The following AVPR1B variants were observed in gnomAD, a reference collection of about 807,000 sequenced individuals.
AVPR1B encodes the protein vasopressin V1b receptor.
A neutral mutation model predicts 27.5 loss-of-function variants in AVPR1B; 25 were observed. The observed-to-expected ratio is 0.91, with a 90% CI of 0.66 to 1.27. AVPR1B has a LOEUF of 1.27. Ranked by LOEUF, AVPR1B falls within the 50% of genes most tolerant of loss-of-function variation. The pLI is 0.00. For missense variants in AVPR1B, 595 were observed against 556.9 expected, an observed-to-expected ratio of 1.07 and a Z score of -0.69; for synonymous variants, 248 against 240.2, an observed-to-expected ratio of 1.03 and a Z score of -0.30.
intron 1 of AVPR1B, among the ~76,000 whole-genome samples, chr1:206,111,968 T>C (rs1663389320): frequency 6.6e-6 from 1 of 152,178 alleles, no homozygotes; most frequent in Non-Finnish European, 1.5e-5. Flanking sequence ...TCGAGGCAGA[T>C]GGATCACCTG....
chr1:206,110,074 G>T lies in AVPR1B; in HGVS notation c.*115C>A, dbSNP rs1663344832. 1 of 1,264,666 alleles carries T rather than the reference G, an allele frequency of 7.9e-7. No individual in the cohort carries two copies. 78.3% of individuals were successfully genotyped at this position (1,264,666 alleles called of 1,614,324 possible). On this transcript the variant is annotated 3_prime_UTR_variant, in exon 2 of 2. Transcript: ENST00000367126. ...ATTCTGGCCTTTTCGCTCCGCTTTA[G>T]ACAGGGCTCCTCTAACTCCAACCCT...
chr1:206,110,498 G>A lies in AVPR1B; in HGVS notation c.966C>T (p.Ile322=). The A allele has an allele frequency of 6.2e-7, 1 of 1,611,648 alleles. No homozygotes were observed. Among genetic ancestry groups the A allele is most frequent in the Non-Finnish European group, 8.5e-7 (1 of 1,178,302 alleles). The change falls in exon 2 of 2, where the codon ATC becomes ATT. Residue 322 remains isoleucine, a synonymous_variant. Transcript: ENST00000367126. ...TGTTGAGGTTGCCCAAAAGCATAGAGATGGTGAAAGCCACATTGGTGGAAT... is the reference window on the plus strand; with the variant it reads ...TGTTGAGGTTGCCCAAAAGCATAGAAATGGTGAAAGCCACATTGGTGGAAT... The part of the protein sequence containing the change: ...DEDSTNVAFT[I]SMLLGNLNSC...
chr1:206,110,360 G>T lies in AVPR1B; in HGVS notation c.1104C>A (p.Ser368=). ...TGTGGCGGCTCGAGAGGCTGCCGTCGGAGAGCCGCCGGCGCATCCTGGGCT... is the reference window on the plus strand; with the variant it reads ...TGTGGCGGCTCGAGAGGCTGCCGTCTGAGAGCCGCCGGCGCATCCTGGGCT... ...GPQPRMRRRL[S]DGSLSSRHTT... is the part of the protein sequence containing the mutation. The change falls in exon 2 of 2, where the codon TCC becomes TCA. Residue 368 remains serine, a synonymous_variant. Transcript: ENST00000367126. The T allele has an allele frequency of 6.2e-7, 1 of 1,609,626 alleles. No individual in the cohort carries two copies. The highest frequency in any genetic ancestry group is 8.5e-7 in the Non-Finnish European group (1 of 1,178,516).
rs971869956 is a variant in AVPR1B, at chr1:206,116,971, A to C, written c.-81T>G. ...GGTTTGATGGATAAAATGGAGTGGCAGGGGAGGTGGAGAGAAAGGAGAAGC... is the reference window on the plus strand; with the variant it reads ...GGTTTGATGGATAAAATGGAGTGGCCGGGGAGGTGGAGAGAAAGGAGAAGC... On this transcript the variant is annotated 5_prime_UTR_variant, in exon 1 of 2. Transcript: ENST00000367126. 4 of 1,306,776 alleles carry C rather than the reference A, an allele frequency of 3.1e-6. No individual in the cohort carries two copies. Among genetic ancestry groups the C allele is most frequent in the Non-Finnish European group, 3.2e-6 (3 of 938,048 alleles). 80.9% of individuals were successfully genotyped at this position (1,306,776 alleles called of 1,614,324 possible).
At chr1:206,115,509 G>A (rs1310103023) in intron 1 of AVPR1B, among the ~76,000 whole-genome samples, 1 of 152,168 alleles carries the variant, frequency 6.6e-6, no homozygotes, top group Non-Finnish European at 1.5e-5. Flanking sequence ...GTTTTCATGT[G>A]CCAACCCTAA....
In AVPR1B at chr1:206,110,330, C is replaced by T. The variant is rs782145142; in HGVS notation, c.1134G>A (p.Thr378=). Residue 378 remains threonine, a synonymous_variant, in exon 2 of 2, where the codon ACG becomes ACA. Transcript: ENST00000367126. ...SDGSLSSRHT[T]LLTRSSCPAT... ...CCGGGCAGCTGGAGCGGGTCAGCAG[C>T]GTGGTGTGGCGGCTCGAGAGGCTGC... is the stretch of plus-strand genomic sequence containing the variant. 8 of 1,612,674 alleles carry T rather than the reference C, an allele frequency of 5.0e-6. No individual in the cohort carries two copies. Among genetic ancestry groups the T allele is most frequent in the South Asian group, 1.1e-5 (1 of 91,004 alleles).
At position 206,108,952 on chromosome 1, in the gene AVPR1B, T is replaced by C. The variant is rs572802087; in HGVS notation, c.*1237A>G. On this transcript the variant is annotated 3_prime_UTR_variant, in exon 2 of 2. Coordinates refer to ENST00000367126, the MANE Select transcript of AVPR1B (RefSeq NM_000707.5). The stretch of plus-strand genomic sequence containing the variant: ...ATGGTGGGACCCACCGTCACCAGAA[T>C]TGAGTCAAAGAGTATATCAATGCCA... 6.0e-4 allele frequency among the ~76,000 whole-genome samples: 91 copies of C among 152,386 alleles called. 3 individuals carry two copies. In the South Asian group the frequency reaches 0.018, roughly 31 times the overall value.
chr1:206,110,242 T>G lies in AVPR1B; in HGVS notation c.1222A>C (p.Arg408=), dbSNP rs782153483. 4 of 1,613,880 alleles carry G rather than the reference T, an allele frequency of 2.5e-6. No homozygotes were observed. Among genetic ancestry groups the G allele is most frequent in the Middle Eastern group, 1.6e-4 (1 of 6,084 alleles). ...SGRPRPEESP[R]DLELADGEGT... is the part of the protein sequence containing the mutation. Reference sequence around the variant, plus strand: ...TCCCCATCTGCCAGCTCCAAGTCCCTTGGTGACTCTTCAGGCCTGGGCCTC... The same window carrying G: ...TCCCCATCTGCCAGCTCCAAGTCCCGTGGTGACTCTTCAGGCCTGGGCCTC... The change falls in exon 2 of 2, where the codon AGG becomes CGG. Residue 408 remains arginine, a synonymous_variant. Transcript: ENST00000367126.
At chr1:206,114,941 C>T (rs1240082989) in intron 1 of AVPR1B, among the ~76,000 whole-genome samples, 1 of 152,168 alleles carries the variant, frequency 6.6e-6, no homozygotes, top group African/African-American at 2.4e-5. Context: ...TGAGCCAAAA[C>T]AAAAGTTATA....
In AVPR1B at chr1:206,110,115, C is replaced by T. The variant is rs1663345473; in HGVS notation, c.*74G>A. 1.3e-6 allele frequency: 2 copies of T among 1,485,294 alleles called. No individual in the cohort carries two copies. Among genetic ancestry groups the T allele is most frequent in the African/African-American group, 2.8e-5 (2 of 71,296 alleles). The allele number at this position is 1,485,294 out of a possible 1,614,324, so 92.0% of individuals were successfully genotyped here. A position where few individuals can be genotyped will look rare whatever the true frequency, so the allele number is the denominator to read the frequency against. On this transcript the variant is annotated 3_prime_UTR_variant, in exon 2 of 2. Transcript: ENST00000367126. ...CTCCAACCCTTACCCTCCCAGCTCT[C>T]ATTTCCAGTGCCCGAGGTGGGCAGA...
In AVPR1B at chr1:206,116,881, C is replaced by T; in HGVS notation, c.10G>A (p.Gly4Arg). 1 of 1,609,290 alleles carries T rather than the reference C, an allele frequency of 6.2e-7. No individual in the cohort carries two copies. Among genetic ancestry groups the T allele is most frequent in the Non-Finnish European group, 8.5e-7 (1 of 1,177,476 alleles). Residue 4 changes from glycine to arginine, a missense_variant, in exon 1 of 2, where the codon GGG becomes AGG. Physicochemically the swap from Gly to Arg is moderately radical, Grantham distance 125 (BLOSUM62 -2). Transcript: ENST00000367126. Reference protein sequence around the residue: MDSGPLWDANPTPR... With the variant: MDSRPLWDANPTPR... ...GTGGGGTTGGCATCCCACAGAGGCC[C>T]AGAATCCATGAGCAAGGTTTGCTGG...
Position 206,116,906 on chromosome 1 carries a change from G to A in AVPR1B, c.-16C>T, listed in dbSNP as rs782129834. The A allele has an allele frequency of 1.3e-5, 21 of 1,592,132 alleles. No homozygotes were observed. The highest frequency in any genetic ancestry group is 1.7e-5 in the Non-Finnish European group (20 of 1,167,328). On this transcript the variant is annotated 5_prime_UTR_variant, in exon 1 of 2. Transcript: ENST00000367126. ...CAGAATCCATGAGCAAGGTTTGCTG[G>A]GAGGGAAGGATGAAGGGAGGGTGTG...
intron 1 of AVPR1B, among the ~76,000 whole-genome samples, chr1:206,114,228 G>A (rs1663426134): frequency 6.6e-6 from 1 of 152,192 alleles, no homozygotes; most frequent in Non-Finnish European, 1.5e-5. Flanking sequence ...GACCACTGGT[G>A]GGAATTGGTG....
At position 206,109,700 on chromosome 1, in the gene AVPR1B, A is replaced by G. The variant is rs893598511; in HGVS notation, c.*489T>C. 3 of 106,544 alleles carry G rather than the reference A, an allele frequency of 2.8e-5. No individual in the cohort carries two copies. The highest frequency in any genetic ancestry group is 8.4e-5 in the Admixed American group (1 of 11,926). The allele number at this position is 106,544 out of a possible 1,614,324, so 6.6% of individuals were successfully genotyped here. A position where few individuals can be genotyped will look rare whatever the true frequency, so the allele number is the denominator to read the frequency against. On this transcript the variant is annotated 3_prime_UTR_variant, in exon 2 of 2. Coordinates refer to ENST00000367126, the MANE Select transcript of AVPR1B (RefSeq NM_000707.5). Reference sequence around the variant, plus strand: ...TTCTTCATGAAGCAATTTTCTCTCTAACAACAACAACAACAACAACAAATC... The same window carrying G: ...TTCTTCATGAAGCAATTTTCTCTCTGACAACAACAACAACAACAACAAATC...
At chr1:206,115,843 CT>C (rs1429246203) in intron 1 of AVPR1B, 107 bp downstream of exon 1, 8 of 1,111,638 alleles carry the variant, frequency 7.2e-6, no homozygotes, top group Non-Finnish European at 1.0e-5. Context: ...CATTGCCCCA[CT>C]AGTTTGTCAC....
At chr1:206,115,199 C>A (rs557957376) in intron 1 of AVPR1B, among the ~76,000 whole-genome samples, 5 of 152,162 alleles carry the variant, frequency 3.3e-5, no homozygotes, top group Admixed American at 1.3e-4. Context: ...CAATCAAAAG[C>A]CAGATGCTGG....
chr1:206,113,139 T>G (rs563223815), intron 1 of AVPR1B, among the ~76,000 whole-genome samples: 40 of 152,336 alleles, frequency 2.6e-4, no homozygotes, highest in African/African-American at 8.2e-4. Flanking sequence ...TTGGCTCACG[T>G]GAGCCAGGCC....
At chr1:206,111,294 GC>G (rs2102337518) in intron 1 of AVPR1B, among the ~76,000 whole-genome samples, 1 of 142,236 alleles carries the variant, frequency 7.0e-6, no homozygotes, top group Admixed American at 6.7e-5. Context: ...TCTCTCTTGG[GC>G]AGTCAAAATG....
Position 206,110,577 on chromosome 1 carries a change from G to A in AVPR1B, c.941-54C>T, listed in dbSNP as rs1187318347. 4 of 1,476,210 alleles carry A rather than the reference G, an allele frequency of 2.7e-6. No individual in the cohort carries two copies. The Admixed American group carries it at 7.8e-5, about 29-fold the overall frequency. 91.4% of individuals were successfully genotyped at this position (1,476,210 alleles called of 1,614,324 possible). A position where few individuals can be genotyped will look rare whatever the true frequency, so the allele number is the denominator to read the frequency against. Reference sequence around the variant, plus strand: ...AGAATGGCAGCTCGAAGGGACCTGGGAGAGCGTCCAGGCCCCACAGATGAG... The same window carrying A: ...AGAATGGCAGCTCGAAGGGACCTGGAAGAGCGTCCAGGCCCCACAGATGAG... On this transcript the variant is annotated intron_variant, in intron 1 of 1. Coordinates refer to ENST00000367126, the MANE Select transcript of AVPR1B (RefSeq NM_000707.5).
Sources: gnomAD v4.1 joint callset for allele counts (sites outside exome capture counted in the v4.1 genomes callset) on GRCh38, gnomAD v4.1.1 for gene constraint, MANE v1.5 for transcripts, NCBI Gene and HGNC (gene_info 2026-07-23, HGNC 2026-07-21) for gene names.